Variants in NUB1 observed in about 807,000 individuals in gnomAD.
NUB1 encodes NEDD8 ultimate buster 1.
Under a neutral mutation model 77.1 loss-of-function variants are expected in NUB1, and 41 were observed. That is an observed-to-expected ratio of 0.53 (90% CI 0.41 to 0.69). NUB1 has a LOEUF of 0.69. Among genes scored for constraint, NUB1 ranks in the 30% least tolerant of loss-of-function variants. The pLI is 0.00. For synonymous variants in NUB1, 257 were observed against 281.0 expected (o/e 0.91, Z 0.85); for missense variants, 643 against 743.8 (o/e 0.86, Z 1.58).
intron 5 of NUB1, among the ~76,000 whole-genome samples, chr7:151,354,578 T>G (rs1018073439): frequency 3.3e-5 from 5 of 152,220 alleles, no homozygotes; most frequent in South Asian, 2.1e-4. Flanking sequence ...TTTGGCTAAT[T>G]TATTCATGGA....
chr7:151,374,686 A>C, intron 12 of NUB1: 1 of 197,736 alleles, frequency 5.1e-6, no homozygotes, highest in Non-Finnish European at 1.1e-5. Context: ...TTTTCAAAGA[A>C]CCCCTCAGGA....
rs1411754095 is a variant in NUB1 at position 151,377,216 on chromosome 7, G to A, written c.1839G>A (p.Lys613=). 6.5e-6 allele frequency: 10 copies of A among 1,533,816 alleles called. No individual in the cohort carries two copies. The highest frequency in any genetic ancestry group is 8.8e-6 in the Non-Finnish European group (10 of 1,138,648). The stretch of plus-strand genomic sequence containing the variant: ...TAGAAAATAGGAAGTCAGCAACAAA[G>A]AAAAACTAAATAATGAACAGAAATA... ...SYVENRKSAT[K]KN The change falls in exon 15 of 15, where the codon AAG becomes AAA. Residue 613 remains lysine (K), a synonymous_variant. Coordinates refer to ENST00000568733, the MANE Select transcript of NUB1 (RefSeq NM_001243351.2).
At chr7:151,376,554 G>C in intron 13 of NUB1, 80 bp from the exon 14 acceptor site, 1 of 1,342,016 alleles carries the variant, frequency 7.5e-7, no homozygotes, top group Non-Finnish European at 1.0e-6. Context: ...CATGAGAGTC[G>C]GCTGTCCACT....
chr7:151,345,367 T>C lies in NUB1; in HGVS notation c.18T>C (p.Tyr6=). The C allele has an allele frequency of 1.2e-6, 2 of 1,611,204 alleles. No homozygotes were observed. The highest frequency in any genetic ancestry group is 1.1e-5 in the South Asian group (1 of 90,830). The change falls in exon 2 of 15, where the codon TAT becomes TAC. Residue 6 remains tyrosine (Y), a synonymous_variant. Coordinates refer to ENST00000568733, the MANE Select transcript of NUB1 (RefSeq NM_001243351.2). ...TTTCAGGGATGGCACAAAAGAAATA[T>C]CTTCAAGCAAAATTGACCCAGTTTT... MAQKK[Y]LQAKLTQFLR...
intron 13 of NUB1, chr7:151,376,389 T>G (rs1798251210): frequency 1.9e-6 from 1 of 524,872 alleles, no homozygotes; most frequent in Non-Finnish European, 3.4e-6. Flanking sequence ...CGCCCTGCTC[T>G]CAGCCCGAGG....
At chr7:151,355,664 C>A (rs1797030871) in intron 5 of NUB1, 104 bp from the exon 6 acceptor site, 3 of 1,162,622 alleles carry the variant, frequency 2.6e-6, no homozygotes, top group East Asian at 5.2e-5. Context: ...CAGAGTGAGA[C>A]CTTGTCTCAA....
In NUB1 at chr7:151,374,092, TA is replaced by T. The variant is rs1563030740; in HGVS notation, c.1249-2del. 6.4e-7 allele frequency: 1 copy of T among 1,552,418 alleles called. No individual in the cohort carries two copies. The highest frequency in any genetic ancestry group is 8.7e-7 in the Non-Finnish European group (1 of 1,147,828). ...TTGGGATGGGACTTTGCTGTTTTCC[TA>T]AAGGAACTGGCCCAAATAAGGAAGG... On this transcript the variant is annotated splice_polypyrimidine_tract_variant and splice_region_variant and intron_variant, in intron 11 of 14. Coordinates refer to ENST00000568733, the MANE Select transcript of NUB1 (RefSeq NM_001243351.2).
chr7:151,345,405 G>A lies in NUB1; in HGVS notation c.56G>A (p.Arg19Lys), dbSNP rs752053676. 1 of 1,612,646 alleles carries A rather than the reference G, an allele frequency of 6.2e-7. No homozygotes were observed. Among genetic ancestry groups the A allele is most frequent in the Admixed American group, 1.7e-5 (1 of 59,798 alleles). The part of the protein sequence containing the change: ...AKLTQFLRED[R>K]IQLWKPPYTD... ...TTGACCCAGTTTTTAAGGGAAGACA[G>A]GATTCAACTTTGGAAACCTCCATAT... The change falls in exon 2 of 15, where the codon AGG (arginine) becomes AAG (lysine). Residue 19 changes from arginine to lysine, a missense_variant. By Grantham distance (26) the Arg-to-Lys change is conservative (BLOSUM62 2). Coordinates refer to ENST00000568733, the MANE Select transcript of NUB1 (RefSeq NM_001243351.2).
chr7:151,343,083 T>C (rs915850771), intron 1 of NUB1, among the ~76,000 whole-genome samples: 1 of 152,234 alleles, frequency 6.6e-6, no homozygotes, highest in African/African-American at 2.4e-5. Flanking sequence ...TGCTGTGATA[T>C]TTTATTCAGA....
intron 12 of NUB1, 128 bp from the exon 13 acceptor site, chr7:151,375,720 A>T (rs1798185032): frequency 6.1e-6 from 4 of 651,534 alleles, no homozygotes; most frequent in African/African-American, 5.4e-5. Flanking sequence ...CCTGAGTGGG[A>T]GCCCCTTTCT....
intron 8 of NUB1, among the ~76,000 whole-genome samples, chr7:151,363,453 TAAA>T (rs34455667): frequency 7.1e-6 from 1 of 140,546 alleles, no homozygotes; most frequent in African/African-American, 2.6e-5. Context: ...GAGAAAAGGC[TAAA>T]AAAAAAAAAA....
intron 2 of NUB1, among the ~76,000 whole-genome samples, chr7:151,345,724 A>G (rs1796474090): frequency 6.6e-6 from 1 of 152,212 alleles, no homozygotes; most frequent in Non-Finnish European, 1.5e-5. Context: ...ATTTATCTGG[A>G]ACTCATTTTG....
At chr7:151,351,714 C>G (rs1030796573) in intron 4 of NUB1, among the ~76,000 whole-genome samples, 1 of 152,130 alleles carries the variant, frequency 6.6e-6, no homozygotes, top group Non-Finnish European at 1.5e-5. Context: ...AACTTCCGAG[C>G]AGGTGGGAAC....
In NUB1 at chr7:151,358,792, C is replaced by T. The variant is rs1046182518; in HGVS notation, c.694-1349C>T. ...TTAAAAATTGTTTTGGGGCCGGGCG[C>T]GGTGGCTCACGCCTGTAATCCCAGC... On this transcript the variant is annotated intron_variant, in intron 7 of 14. Transcript: ENST00000568733. 8.5e-5 allele frequency among the ~76,000 whole-genome samples: 13 copies of T among 152,186 alleles called. No individual in the cohort carries two copies. The South Asian group carries it at 1.0e-3, about 12-fold the overall frequency.
intron 12 of NUB1, among the ~76,000 whole-genome samples, chr7:151,374,835 C>T (rs916364252): frequency 6.6e-6 from 1 of 152,188 alleles, no homozygotes; most frequent in African/African-American, 2.4e-5. Flanking sequence ...CACCCTCTGC[C>T]CTCTCGGCCC....
rs188093285 is a variant in NUB1, at chr7:151,364,345, C to T, written c.801-2594C>T. On this transcript the variant is annotated intron_variant, in intron 8 of 14. Transcript: ENST00000568733. ...CTGAGGCAGGAGAATGGCAGGAACC[C>T]GGGAGGCGAAGCTTGCAGTGAGCCG... Among the ~76,000 whole-genome samples the T allele has an allele frequency of 2.0e-5, 3 of 147,128 alleles. No individual in the cohort carries two copies. In the East Asian group the frequency reaches 6.7e-4, roughly 33 times the overall value.
chr7:151,351,217 CCACG>C, intron 3 of NUB1: 1 of 545,150 alleles, frequency 1.8e-6, no homozygotes, highest in South Asian at 2.2e-5. Flanking sequence ...CCTGGTGGTG[CCACG>C]CTGCCGCCCC....
intron 13 of NUB1, 128 bp from the exon 14 acceptor site, chr7:151,376,506 C>A (rs1798261700): frequency 2.3e-6 from 2 of 886,262 alleles, no homozygotes. Context: ...ATGACTTGTG[C>A]ACAAAGGGCC....
At chr7:151,356,994 G>A (rs933604550) in intron 7 of NUB1, among the ~76,000 whole-genome samples, 5 of 152,082 alleles carry the variant, frequency 3.3e-5, no homozygotes, top group Non-Finnish European at 7.4e-5. Context: ...TGGGATTACA[G>A]GCGTGAGCCA....
Sources: allele counts gnomAD v4.1 joint callset (sites outside exome capture counted in the v4.1 genomes callset), GRCh38; gene constraint gnomAD v4.1.1; transcripts MANE v1.5; gene names NCBI Gene and HGNC (gene_info 2026-07-23, HGNC 2026-07-21).